The following CAMK2D variants were observed in gnomAD, a reference collection of about 807,000 sequenced individuals.
CAMK2D encodes the protein calcium/calmodulin-dependent protein kinase type II subunit delta.
CAMK2D carries 37 observed loss-of-function variants against 84.0 expected under a neutral mutation model. The observed-to-expected ratio is 0.44, with a 90% CI of 0.34 to 0.58. CAMK2D has a LOEUF of 0.58. CAMK2D is among the 20% of genes least tolerant of loss of function. The pLI, the probability that CAMK2D is intolerant of heterozygous loss-of-function variation, is 0.02. For synonymous variants in CAMK2D, 202 were observed against 212.5 expected, an observed-to-expected ratio of 0.95 and a Z score of 0.43; for missense variants, 448 against 652.5, an observed-to-expected ratio of 0.69 and a Z score of 3.41.
chr4:113,555,658 C>T (rs1025249162), intron 4 of CAMK2D, among the ~76,000 whole-genome samples: 3 of 152,182 alleles, frequency 2.0e-5, no homozygotes, highest in African/African-American at 7.2e-5. Context: ...GTAATGGTGA[C>T]AGATTCATCC....
At chr4:113,462,007 G>A (rs989897487) in intron 17 of CAMK2D, among the ~76,000 whole-genome samples, 1 of 152,142 alleles carries the variant, frequency 6.6e-6, no homozygotes, top group Non-Finnish European at 1.5e-5. Flanking sequence ...ATTGCCTGCT[G>A]GGCAGGCATT....
chr4:113,539,549 G>C (rs1450870759), intron 6 of CAMK2D, among the ~76,000 whole-genome samples: 1 of 152,196 alleles, frequency 6.6e-6, no homozygotes, highest in Non-Finnish European at 1.5e-5. Context: ...AGTATCTGCC[G>C]ATTCAGAAGA....
intron 16 of CAMK2D, among the ~76,000 whole-genome samples, chr4:113,485,180 G>A (rs1335208648): frequency 6.6e-6 from 1 of 152,136 alleles, no homozygotes; most frequent in African/African-American, 2.4e-5. Flanking sequence ...GATAATGTAA[G>A]GTAAAGTCTT....
intron 8 of CAMK2D, among the ~76,000 whole-genome samples, chr4:113,530,954 C>T (rs1370956105): frequency 3.9e-5 from 6 of 152,120 alleles, no homozygotes; most frequent in South Asian, 2.1e-4. Context: ...CATGGTTGCA[C>T]GTGCCTGTAA....
At chr4:113,514,942 A>G (rs1411019800) in intron 10 of CAMK2D, 127 bp downstream of exon 10, 1 of 902,058 alleles carries the variant, frequency 1.1e-6, no homozygotes, top group Non-Finnish European at 1.7e-6. Context: ...AAACACCTCG[A>G]GTCAAAAATT....
intron 8 of CAMK2D, among the ~76,000 whole-genome samples, chr4:113,520,266 G>A (rs2098338808): frequency 6.6e-6 from 1 of 151,922 alleles, no homozygotes; most frequent in South Asian, 2.1e-4. Context: ...AAATTAACCG[G>A]GCATGGTGGC....
chr4:113,536,818 G>C (rs1355523707), intron 7 of CAMK2D, among the ~76,000 whole-genome samples: 1 of 152,126 alleles, frequency 6.6e-6, no homozygotes, highest in African/African-American at 2.4e-5. Context: ...GAATTTTTGA[G>C]AGGAAACTGG....
At chr4:113,759,120 C>A (rs977182429) in intron 2 of CAMK2D, 200 bp downstream of exon 2, 43 of 339,560 alleles carry the variant, frequency 1.3e-4, no homozygotes, top group Admixed American at 9.3e-5. Flanking sequence ...AGCAATGTAT[C>A]AAATAATAAT....
At chr4:113,725,018 T>C (rs1390948909) in intron 2 of CAMK2D, among the ~76,000 whole-genome samples, 1 of 152,030 alleles carries the variant, frequency 6.6e-6, no homozygotes, top group Non-Finnish European at 1.5e-5. Flanking sequence ...GATCGTTTTC[T>C]CCATTCAGCG....
intron 2 of CAMK2D, among the ~76,000 whole-genome samples, chr4:113,738,979 T>C (rs1224294463): frequency 6.6e-6 from 1 of 152,200 alleles, no homozygotes; most frequent in African/African-American, 2.4e-5. Flanking sequence ...TAACTGTGAA[T>C]TCAAAGATTC....
chr4:113,472,428 G>A (rs564066441), intron 16 of CAMK2D, among the ~76,000 whole-genome samples: 16 of 152,278 alleles, frequency 1.1e-4, no homozygotes, highest in South Asian at 4.1e-4. Flanking sequence ...TTCAGATGCC[G>A]GAATAGCAGC....
At chr4:113,495,695 T>C (rs964428659) in intron 16 of CAMK2D, among the ~76,000 whole-genome samples, 2 of 152,158 alleles carry the variant, frequency 1.3e-5, no homozygotes, top group African/African-American at 2.4e-5. Context: ...TCATTACTAC[T>C]ACCTAGTAAT....
chr4:113,490,383 C>T (rs1166422048), intron 16 of CAMK2D, among the ~76,000 whole-genome samples: 1 of 131,550 alleles, frequency 7.6e-6, no homozygotes, highest in African/African-American at 3.3e-5. Flanking sequence ...TTCCCAGCAC[C>T]ATTTATTCAA....
chr4:113,487,497 T>C (rs897220422), intron 16 of CAMK2D, among the ~76,000 whole-genome samples: 1 of 152,026 alleles, frequency 6.6e-6, no homozygotes. Context: ...AAGAAAAACA[T>C]AGCAAATAAT....
At chr4:113,563,070 A>G (rs1191561775) in intron 4 of CAMK2D, among the ~76,000 whole-genome samples, 1 of 151,890 alleles carries the variant, frequency 6.6e-6, no homozygotes, top group East Asian at 1.9e-4. Flanking sequence ...GCTAGCCAAC[A>G]TGGTGAAACC....
chr4:113,752,578 T>G (rs17593593), intron 2 of CAMK2D, among the ~76,000 whole-genome samples: 1 of 152,052 alleles, frequency 6.6e-6, no homozygotes, highest in Non-Finnish European at 1.5e-5. Flanking sequence ...GCTTTCTGAG[T>G]AGGTTTCTCT....
chr4:113,522,361 C>T (rs904121307), intron 8 of CAMK2D, among the ~76,000 whole-genome samples: 1 of 152,176 alleles, frequency 6.6e-6, no homozygotes, highest in African/African-American at 2.4e-5. Flanking sequence ...CAATTAATTA[C>T]ATGAGTGATA....
rs1379797067 is a variant in CAMK2D, at chr4:113,463,049, G to GT, written c.1211+2479dup. Among the ~76,000 whole-genome samples, 12 of 152,142 alleles carry GT rather than the reference G, an allele frequency of 7.9e-5. No individual in the cohort carries two copies. The East Asian group carries it at 1.9e-3, about 24-fold the overall frequency. ...ATTTTTACTATTTCTTTTATTCCAA[G>GT]TATGTCTTATTAGGTCATGATAAAG... On this transcript the variant is annotated intron_variant, in intron 17 of 20. Transcript: ENST00000511664.
chr4:113,479,372 G>A (rs891123509), intron 16 of CAMK2D, among the ~76,000 whole-genome samples: 1 of 152,104 alleles, frequency 6.6e-6, no homozygotes, highest in Non-Finnish European at 1.5e-5. Context: ...CATATCCAGA[G>A]ATAAAAGGAC....
Sources: gnomAD v4.1 joint callset for allele counts (sites outside exome capture counted in the v4.1 genomes callset) on GRCh38, gnomAD v4.1.1 for gene constraint, MANE v1.5 for transcripts, NCBI Gene and HGNC (gene_info 2026-07-23, HGNC 2026-07-21) for gene names.